The following BBX variants were observed in gnomAD, a reference collection of about 807,000 sequenced individuals.
The protein encoded by BBX is HMG box transcription factor BBX.
BBX carries 30 observed loss-of-function variants against 100.2 expected under a neutral mutation model. The ratio of observed to expected loss-of-function variants is 0.30; its 90% CI spans 0.22 to 0.41. The LOEUF is 0.41. BBX is among the 10% of genes least tolerant of loss of function. The pLI is 1.00. For synonymous variants in BBX, 376 were observed against 388.1 expected (o/e 0.97, Z 0.37); for missense variants, 1,023 against 1,129.8 (o/e 0.91, Z 1.35).
chr3:107,679,997 G>C (rs1304642244), intron 3 of BBX, among the ~76,000 whole-genome samples: 1 of 152,142 alleles, frequency 6.6e-6, no homozygotes, highest in Non-Finnish European at 1.5e-5. Flanking sequence ...AAGAAAGCAG[G>C]GTCTGAGTCC....
chr3:107,676,198 T>C (rs1361548284), intron 3 of BBX, among the ~76,000 whole-genome samples: 1 of 152,218 alleles, frequency 6.6e-6, no homozygotes, highest in African/African-American at 2.4e-5. Flanking sequence ...GTAATTTAGA[T>C]AGATGTGGAT....
In BBX at chr3:107,742,341, C is replaced by A. The variant is rs1366861054; in HGVS notation, c.670-2289C>A. On this transcript the variant is annotated intron_variant, in intron 7 of 17. Coordinates refer to ENST00000325805, the MANE Select transcript of BBX (RefSeq NM_001142568.3). ...TTTTTTTTTTTGTCGGCCCTCTTGG[C>A]CCCTTCTGATACGCTGCCTCTATTC... 4.0e-5 allele frequency among the ~76,000 whole-genome samples: 6 copies of A among 151,142 alleles called. No individual in the cohort carries two copies. In the East Asian group the frequency reaches 1.2e-3, roughly 29 times the overall value.
rs201231141 is a variant in BBX, at chr3:107,562,436, CT to C, written c.-84+36046del. 1.4e-3 allele frequency among the ~76,000 whole-genome samples: 214 copies of C among 151,450 alleles called. 4 individuals are homozygous for C. In the East Asian group the frequency reaches 0.028, roughly 20 times the overall value. On this transcript the variant is annotated intron_variant, in intron 2 of 17. Transcript: ENST00000325805. ...ACAAATGCAGAATTTATTTAATGTGCTTTTTTTTAATATATTGGTAATTGTC... is the reference window on the plus strand; with the variant it reads ...ACAAATGCAGAATTTATTTAATGTGCTTTTTTTAATATATTGGTAATTGTC...
Position 107,732,757 on chromosome 3 carries a change from A to G in BBX, c.602-199A>G, listed in dbSNP as rs1020930159. Among the ~76,000 whole-genome samples, 3 of 152,350 alleles carry G rather than the reference A, an allele frequency of 2.0e-5. No homozygotes were observed. The South Asian group carries it at 6.2e-4, about 32-fold the overall frequency. Reference sequence around the variant, plus strand: ...AATGGTGAGACAAGAGTGGTATTCAAGAGGCTCACAAAGTATGAGCACTAA... The same window carrying G: ...AATGGTGAGACAAGAGTGGTATTCAGGAGGCTCACAAAGTATGAGCACTAA... On this transcript the variant is annotated intron_variant, in intron 6 of 17. Coordinates refer to ENST00000325805, the MANE Select transcript of BBX (RefSeq NM_001142568.3).
chr3:107,677,400 A>G (rs929786499), intron 3 of BBX: 1 of 152,086 alleles, frequency 6.6e-6, no homozygotes, highest in Non-Finnish European at 1.5e-5. Context: ...AAAATTTCTT[A>G]GTGTTGAATT....
intron 2 of BBX, among the ~76,000 whole-genome samples, chr3:107,626,123 A>T (rs1307743995): frequency 6.6e-6 from 1 of 152,210 alleles, no homozygotes; most frequent in Non-Finnish European, 1.5e-5. Flanking sequence ...TCTGTCAACA[A>T]TTTTAAAGTT....
chr3:107,782,668 T>G (rs941903784), intron 13 of BBX, among the ~76,000 whole-genome samples: 6 of 152,110 alleles, frequency 3.9e-5, no homozygotes, highest in Non-Finnish European at 8.8e-5. Context: ...GTCAGTGTCC[T>G]TCTGGCACCC....
rs569258433 is a variant in BBX at position 107,789,363 on chromosome 3, T to C, written c.2204-424T>C. ...AATGCTGTCGGGTCAACTGCTGTCC[T>C]GAAAGTGCTATCCTTGTTGTGAAAA... On this transcript the variant is annotated intron_variant, in intron 13 of 17. Transcript: ENST00000325805. Among the ~76,000 whole-genome samples, 5 of 152,352 alleles carry C rather than the reference T, an allele frequency of 3.3e-5. No individual in the cohort carries two copies. In the South Asian group the frequency reaches 1.0e-3, roughly 32 times the overall value.
At chr3:107,633,438 G>T (rs1407231549) in intron 2 of BBX, among the ~76,000 whole-genome samples, 1 of 152,126 alleles carries the variant, frequency 6.6e-6, no homozygotes, top group African/African-American at 2.4e-5. Flanking sequence ...GATTTAAAAT[G>T]CATATAACCT....
At chr3:107,643,692 T>C (rs1177473691) in intron 2 of BBX, among the ~76,000 whole-genome samples, 2 of 152,182 alleles carry the variant, frequency 1.3e-5, no homozygotes, top group African/African-American at 4.8e-5. Flanking sequence ...CCACCTGCCT[T>C]TCTGATACCT....
In BBX at chr3:107,808,436, CTCTGCGAT is replaced by C. The variant is rs1166188308; in HGVS notation, c.*2980_*2987del. On this transcript the variant is annotated 3_prime_UTR_variant, in exon 18 of 18. Transcript: ENST00000325805. ...TTGAAAAAAAATTGTCCTAGCCCTT[CTCTGCGAT>C]GCTGGAAGTAGAAGATTGCGTCTCA... is the stretch of plus-strand genomic sequence containing the variant. 2.6e-5 allele frequency: 4 copies of C among 152,200 alleles called. No individual in the cohort carries two copies. The highest frequency in any genetic ancestry group is 5.9e-5 in the Non-Finnish European group (4 of 68,032). 9.4% of individuals were successfully genotyped at this position (152,200 alleles called of 1,614,324 possible). A position where few individuals can be genotyped will look rare whatever the true frequency, so the allele number is the denominator to read the frequency against.
At chr3:107,695,891 G>T (rs1217184342) in intron 3 of BBX, among the ~76,000 whole-genome samples, 3 of 151,842 alleles carry the variant, frequency 2.0e-5, no homozygotes, top group Non-Finnish European at 1.5e-5. Context: ...TGTGTTGGGT[G>T]CATATATATT....
chr3:107,640,979 A>G (rs1245423035), intron 2 of BBX, among the ~76,000 whole-genome samples: 1 of 152,106 alleles, frequency 6.6e-6, no homozygotes, highest in Non-Finnish European at 1.5e-5. Context: ...TAGTTTTTGC[A>G]GTGTTAATGC....
chr3:107,783,645 T>C (rs1300603006), intron 13 of BBX, among the ~76,000 whole-genome samples: 2 of 152,024 alleles, frequency 1.3e-5, no homozygotes, highest in African/African-American at 2.4e-5. Context: ...TCCTTTCTCC[T>C]ACGTTGGTTT....
chr3:107,589,387 C>T (rs1390853272), intron 2 of BBX, among the ~76,000 whole-genome samples: 1 of 152,124 alleles, frequency 6.6e-6, no homozygotes, highest in African/African-American at 2.4e-5. Context: ...CAGTTTAATC[C>T]TAATTCTGAA....
chr3:107,573,299 T>A (rs1288936537), intron 2 of BBX, among the ~76,000 whole-genome samples: 2 of 152,088 alleles, frequency 1.3e-5, no homozygotes, highest in Non-Finnish European at 2.9e-5. Context: ...GTGGCTCACG[T>A]CTGTAATCCC....
chr3:107,731,939 G>T (rs866548132), intron 6 of BBX, among the ~76,000 whole-genome samples: 11 of 152,114 alleles, frequency 7.2e-5, no homozygotes, highest in African/African-American at 2.7e-4. Flanking sequence ...TGCCGAGTTA[G>T]GCATTTTTAC....
chr3:107,535,122 C>A (rs1371241186), intron 2 of BBX, among the ~76,000 whole-genome samples: 1 of 152,218 alleles, frequency 6.6e-6, no homozygotes, highest in African/African-American at 2.4e-5. Flanking sequence ...CAGGTTTAGA[C>A]TGCCTGTCTG....
intron 2 of BBX, among the ~76,000 whole-genome samples, chr3:107,553,978 T>A (rs2049893846): frequency 6.6e-6 from 1 of 152,208 alleles, no homozygotes. Context: ...AGATAAGCAG[T>A]TAATTACCCT....
Sources: gnomAD v4.1 joint callset for allele counts (sites outside exome capture counted in the v4.1 genomes callset) on GRCh38, gnomAD v4.1.1 for gene constraint, MANE v1.5 for transcripts, NCBI Gene and HGNC (gene_info 2026-07-23, HGNC 2026-07-21) for gene names.